The following CHRNB1 variants were observed in gnomAD, a reference collection of about 807,000 sequenced individuals.
CHRNB1 encodes the protein cholinergic receptor nicotinic beta 1 subunit, also known as acetylcholine receptor subunit beta.
In CHRNB1, 47 loss-of-function variants were observed where a neutral mutation model predicts 53.8. That is an observed-to-expected ratio of 0.87 (90% confidence interval 0.69 to 1.11). The LOEUF is 1.11. CHRNB1 is among the 50% of genes most tolerant of loss of function. The pLI, the probability that CHRNB1 is intolerant of heterozygous loss-of-function variation, is 0.00. For synonymous variants in CHRNB1, 259 were observed against 263.5 expected (o/e 0.98, Z 0.16); for missense variants, 605 against 654.9 (o/e 0.92, Z 0.83).
chr17:7,446,047 G>C (rs1908596431), intron 2 of CHRNB1, 22 bp from the exon 3 acceptor site: 4 of 1,613,098 alleles, frequency 2.5e-6, no homozygotes, highest in Non-Finnish European at 3.4e-6. Flanking sequence ...TCACCTTTAC[G>C]CCTTAAATTT....
intron 7 of CHRNB1, among the ~76,000 whole-genome samples, chr17:7,450,040 A>AAAAT (rs201151995): frequency 0.37 from 53,053 of 142,676 alleles, 10,450 homozygotes; most frequent in South Asian, 0.51. Context: ...TCTGTCTCAA[A>AAAAT]AAATAAATAA....
chr17:7,452,802 C>T (rs574314749), intron 7 of CHRNB1, among the ~76,000 whole-genome samples: 135 of 152,312 alleles, frequency 8.9e-4, no homozygotes, highest in Middle Eastern at 6.8e-3. Flanking sequence ...GTGGGCAGAT[C>T]CCTTAAGGTC....
chr17:7,454,555 C>T (rs578007406), intron 8 of CHRNB1, 35 bp downstream of exon 8: 2 of 1,540,610 alleles, frequency 1.3e-6, no homozygotes, highest in Admixed American at 3.3e-5. Flanking sequence ...CCCAATTTTC[C>T]TTTTACAGAC....
Position 7,445,619 on chromosome 17 carries a change from G to T in CHRNB1, c.198+210G>T, listed in dbSNP as rs1056243202. ...ACGGGCCTGGAGTAGAACTGGGTAG[G>T]GTGAAGGACGGACCTGTGATCGGAC... On this transcript the variant is annotated intron_variant, in intron 2 of 10. Coordinates refer to ENST00000306071, the MANE Select transcript of CHRNB1 (RefSeq NM_000747.3). This position sits in a 1 kb window ranked among gnomAD's most constrained non-coding sequence, Gnocchi z 5.7. 9 of 1,451,026 alleles carry T rather than the reference G, an allele frequency of 6.2e-6. No homozygotes were observed. The highest frequency in any genetic ancestry group is 2.8e-5 in the African/African-American group (2 of 70,404). The allele number at this position is 1,451,026 out of a possible 1,614,324, so 89.9% of individuals were successfully genotyped here. A position where few individuals can be genotyped will look rare whatever the true frequency, so the allele number is the denominator to read the frequency against.
rs1367254546 is a variant in CHRNB1, at chr17:7,455,333, C to G, written c.1094C>G (p.Pro365Arg). 1 of 1,614,014 alleles carries G rather than the reference C, an allele frequency of 6.2e-7. No homozygotes were observed. Among genetic ancestry groups the G allele is most frequent in the Non-Finnish European group, 8.5e-7 (1 of 1,180,040 alleles). ...TACCTGCGTCTAAAAAGGCCCAAAC[C>G]CGAGAGAGACCTGATGCCGGAGCCC... ...PLYLRLKRPK[P>R]ERDLMPEPPH... The change falls in exon 9 of 11, where the codon CCC (proline) becomes CGC (arginine). Residue 365 changes from proline to arginine, a missense_variant. Pro to Arg is a moderately radical substitution (Grantham distance 103, BLOSUM62 -2). Transcript: ENST00000306071.
At chr17:7,455,548 G>A in intron 9 of CHRNB1, 92 bp downstream of exon 9, 1 of 1,484,020 alleles carries the variant, frequency 6.7e-7, no homozygotes, top group Admixed American at 1.7e-5. Context: ...GCTCTCGGAA[G>A]ACGCTGTGGT....
At position 7,445,471 on chromosome 17, in the gene CHRNB1, A is replaced by C; in HGVS notation, c.198+62A>C. 6.3e-7 allele frequency: 1 copy of C among 1,587,152 alleles called. No homozygotes were observed. Among genetic ancestry groups the C allele is most frequent in the Non-Finnish European group, 8.5e-7 (1 of 1,170,358 alleles). ...ACCGGCCGGGGGCGTGGCTTTAGGC[A>C]AGGCCGGACCAGGGACAGGCTGGGG... On this transcript the variant is annotated intron_variant, in intron 2 of 10. Coordinates refer to ENST00000306071, the MANE Select transcript of CHRNB1 (RefSeq NM_000747.3). The surrounding 1 kb of genome is among the most constrained non-coding windows in gnomAD (Gnocchi z 5.7).
At chr17:7,453,959 G>GC (rs956505043) in intron 7 of CHRNB1, among the ~76,000 whole-genome samples, 2 of 152,094 alleles carry the variant, frequency 1.3e-5, no homozygotes, top group Non-Finnish European at 2.9e-5. Context: ...TACTCAGGAG[G>GC]CCGAGGTGGG....
At chr17:7,449,043 A>G in intron 7 of CHRNB1, among the ~76,000 whole-genome samples, 1 of 151,852 alleles carries the variant, frequency 6.6e-6, no homozygotes. Context: ...AGGCTTAGAT[A>G]GCTCTCCCAT....
intron 3 of CHRNB1, 79 bp downstream of exon 3, chr17:7,446,192 T>C: frequency 8.1e-7 from 1 of 1,227,434 alleles, no homozygotes. Flanking sequence ...AGTAAGAATA[T>C]TTTTTACATC....
rs759413080 is a variant in CHRNB1 at position 7,447,103 on chromosome 17, C to A, written c.414C>A (p.Ser138=). 6.2e-7 allele frequency: 1 copy of A among 1,613,982 alleles called. No individual in the cohort carries two copies. The highest frequency in any genetic ancestry group is 2.2e-5 in the East Asian group (1 of 44,886). Residue 138 remains serine (S), a synonymous_variant, in exon 5 of 11, where the codon TCC becomes TCA. Coordinates refer to ENST00000306071, the MANE Select transcript of CHRNB1 (RefSeq NM_000747.3). Reference sequence around the variant, plus strand: ...GCGTCGTGGTGTCCTCCGACGGCTCCGTGCGTTGGCAACCCCCGGGCATCT... The same window carrying A: ...GCGTCGTGGTGTCCTCCGACGGCTCAGTGCGTTGGCAACCCCCGGGCATCT... The part of the protein sequence containing the change: ...DISVVVSSDG[S]VRWQPPGIYR...
At chr17:7,449,581 T>C (rs1908804278) in intron 7 of CHRNB1, among the ~76,000 whole-genome samples, 2 of 151,818 alleles carry the variant, frequency 1.3e-5, no homozygotes, top group South Asian at 4.2e-4. Context: ...CTGATTTTTT[T>C]GTATTTTTGG....
chr17:7,446,545 A>C, intron 3 of CHRNB1: 1 of 544,602 alleles, frequency 1.8e-6, no homozygotes, highest in Non-Finnish European at 3.3e-6. Context: ...TTCCCCATCC[A>C]CTAAAGGATT....
chr17:7,446,920 C>G lies in CHRNB1; in HGVS notation c.331C>G (p.Pro111Ala). Reference protein sequence around the residue: ...LRITAESVWLPDVVLLNNNDG... With the variant: ...LRITAESVWLADVVLLNNNDG... ...CATCACGGCGGAATCCGTGTGGCTC[C>G]CTGACGTGGTGCTACTGAACAAGTA... is the stretch of plus-strand genomic sequence containing the variant. Residue 111 changes from proline to alanine, a missense_variant, in exon 4 of 11, where the codon CCT (proline) becomes GCT (alanine). Physicochemically the swap from Pro to Ala is conservative, Grantham distance 27. Transcript: ENST00000306071. 1.2e-6 allele frequency: 2 copies of G among 1,613,838 alleles called. No individual in the cohort carries two copies. The highest frequency in any genetic ancestry group is 1.7e-6 in the Non-Finnish European group (2 of 1,179,952).
intron 6 of CHRNB1, 68 bp from the exon 7 acceptor site, chr17:7,448,511 C>T (rs998904636): frequency 6.7e-7 from 1 of 1,499,076 alleles, no homozygotes; most frequent in Admixed American, 1.7e-5. Flanking sequence ...TGTGGCAGAG[C>T]AAGCCATACC....
At position 7,456,757 on chromosome 17, in the gene CHRNB1, G is replaced by A. The variant is rs370459317; in HGVS notation, c.*34G>A. ...GGGTTGAGACCCAGGCCCCCTGCCAGTTGAAGTGAGAGTTTGGTGATACTG... is the reference window on the plus strand; with the variant it reads ...GGGTTGAGACCCAGGCCCCCTGCCAATTGAAGTGAGAGTTTGGTGATACTG... On this transcript the variant is annotated 3_prime_UTR_variant, in exon 11 of 11. Coordinates refer to ENST00000306071, the MANE Select transcript of CHRNB1 (RefSeq NM_000747.3). The A allele has an allele frequency of 1.2e-6, 2 of 1,613,984 alleles. No individual in the cohort carries two copies. Among genetic ancestry groups the A allele is most frequent in the Non-Finnish European group, 1.7e-6 (2 of 1,179,942 alleles).
chr17:7,447,431 C>G (rs1908686650), intron 5 of CHRNB1, 72 bp from the exon 6 acceptor site: 2 of 1,582,856 alleles, frequency 1.3e-6, no homozygotes, highest in Non-Finnish European at 1.7e-6. Context: ...TGTGCCCTCC[C>G]CAAAGACCTC....
Position 7,457,309 on chromosome 17 carries a change from C to A in CHRNB1, c.*586C>A, listed in dbSNP as rs557679129. 8 of 156,776 alleles carry A rather than the reference C, an allele frequency of 5.1e-5. No homozygotes were observed. The South Asian group carries it at 1.5e-3, about 28-fold the overall frequency. The allele number at this position is 156,776 out of a possible 1,614,324, so 9.7% of individuals were successfully genotyped here. Reference sequence around the variant, plus strand: ...TCCAGCCTGGGCAACAAGAGCGAAACTCCATCTCAAAAAAAAAAAAGTGTC... The same window carrying A: ...TCCAGCCTGGGCAACAAGAGCGAAAATCCATCTCAAAAAAAAAAAAGTGTC... On this transcript the variant is annotated 3_prime_UTR_variant, in exon 11 of 11. Coordinates refer to ENST00000306071, the MANE Select transcript of CHRNB1 (RefSeq NM_000747.3).
At position 7,455,394 on chromosome 17, in the gene CHRNB1, G is replaced by T. The variant is rs985214726; in HGVS notation, c.1155G>T (p.Arg385=). The change falls in exon 9 of 11, where the codon CGG becomes CGT. Residue 385 remains arginine (R), a synonymous_variant. Coordinates refer to ENST00000306071, the MANE Select transcript of CHRNB1 (RefSeq NM_000747.3). ...CTTCTCCAGGAAGTGGCTGGGGTCG[G>T]GGAACAGATGAATATTTCATCCGGA... ...HCSSPGSGWG[R]GTDEYFIRKP... 1.2e-6 allele frequency: 2 copies of T among 1,614,052 alleles called. No homozygotes were observed. The highest frequency in any genetic ancestry group is 2.7e-5 in the African/African-American group (2 of 74,920).
Sources: gnomAD v4.1 joint callset for allele counts (sites outside exome capture counted in the v4.1 genomes callset) on GRCh38, gnomAD v4.1.1 for gene constraint, Gnocchi (gnomAD v3.1) non-coding constraint, MANE v1.5 for transcripts, NCBI Gene and HGNC (gene_info 2026-07-23, HGNC 2026-07-21) for gene names.